PTPN4: variants seen among roughly 807,000 people sequenced by gnomAD.
PTPN4 encodes protein tyrosine phosphatase non-receptor type 4, also known as tyrosine-protein phosphatase non-receptor type 4.
In PTPN4, 49 loss-of-function variants were observed where a neutral mutation model predicts 135.5. That is an observed-to-expected ratio of 0.36 (90% confidence interval 0.29 to 0.46). The LOEUF is 0.46. Ranked by LOEUF, PTPN4 falls within the 20% of genes least tolerant of loss-of-function variation. The probability of loss-of-function intolerance (pLI) is 1.00; values close to 1 mark genes in which losing one functional copy is unlikely to be tolerated. For missense variants in PTPN4, 860 were observed against 1,101.0 expected (o/e 0.78, Z 3.10); for synonymous variants, 333 against 369.9 (o/e 0.90, Z 1.14).
chr2:119,938,167 G>C lies in PTPN4; in HGVS notation c.1355+3209G>C, dbSNP rs1374102331. Among the ~76,000 whole-genome samples the C allele has an allele frequency of 6.3e-5, 8 of 127,928 alleles. No homozygotes were observed. The South Asian group carries it at 1.7e-3, about 27-fold the overall frequency. 83.9% of individuals were successfully genotyped at this position (127,928 alleles called of 152,430 possible). A position where few individuals can be genotyped will look rare whatever the true frequency, so the allele number is the denominator to read the frequency against. ...TTTTGAGACAAAGTCTCACTCTGTCGCCCAGGCTGGAGTGCAGTGGCACAA... is the reference window on the plus strand; with the variant it reads ...TTTTGAGACAAAGTCTCACTCTGTCCCCCAGGCTGGAGTGCAGTGGCACAA... On this transcript the variant is annotated intron_variant, in intron 15 of 26. Transcript: ENST00000263708.
At chr2:119,923,647 A>T (rs891612619) in intron 12 of PTPN4, among the ~76,000 whole-genome samples, 24 of 152,114 alleles carry the variant, frequency 1.6e-4, no homozygotes, top group Non-Finnish European at 2.9e-4. Flanking sequence ...AATCCTGATT[A>T]AAAAAATAAC....
At chr2:119,952,215 A>C in intron 19 of PTPN4, 86 bp downstream of exon 19, 1 of 1,284,268 alleles carries the variant, frequency 7.8e-7, no homozygotes, top group Non-Finnish European at 1.1e-6. Flanking sequence ...CTGACATAAA[A>C]CATAAGTCAC....
intron 14 of PTPN4, among the ~76,000 whole-genome samples, chr2:119,934,452 T>C (rs565352956): frequency 6.6e-6 from 1 of 152,328 alleles, no homozygotes; most frequent in Non-Finnish European, 1.5e-5. Context: ...TAAAAAATAA[T>C]TCAGACTAGA....
chr2:119,875,543 T>A (rs1316988353), intron 3 of PTPN4, among the ~76,000 whole-genome samples: 1 of 152,264 alleles, frequency 6.6e-6, no homozygotes, highest in African/African-American at 2.4e-5. Context: ...AATAGATAGA[T>A]GGATGGGAAG....
chr2:119,943,134 G>T (rs991393046), intron 15 of PTPN4, among the ~76,000 whole-genome samples: 3 of 152,182 alleles, frequency 2.0e-5, no homozygotes, highest in African/African-American at 7.2e-5. Flanking sequence ...ATTTCAGAAA[G>T]ACTCTAATCT....
chr2:119,968,230 T>G (rs1348440866), intron 26 of PTPN4, among the ~76,000 whole-genome samples: 3 of 151,976 alleles, frequency 2.0e-5, no homozygotes, highest in African/African-American at 7.3e-5. Context: ...AGCTGCAGAG[T>G]TTAGAAGTTG....
At chr2:119,832,141 ATC>A (rs1677228595) in intron 2 of PTPN4, among the ~76,000 whole-genome samples, 1 of 152,156 alleles carries the variant, frequency 6.6e-6, no homozygotes, top group South Asian at 2.1e-4. Context: ...ATATTCTGTG[ATC>A]AAAATCGGAG....
At chr2:119,842,135 A>G (rs1314369033) in intron 2 of PTPN4, among the ~76,000 whole-genome samples, 1 of 152,160 alleles carries the variant, frequency 6.6e-6, no homozygotes, top group Non-Finnish European at 1.5e-5. Flanking sequence ...TCAGAAAGAT[A>G]AGGAAGGCTC....
At chr2:119,768,690 G>A (rs1045111746) in intron 1 of PTPN4, among the ~76,000 whole-genome samples, 7 of 152,204 alleles carry the variant, frequency 4.6e-5, no homozygotes, top group East Asian at 3.9e-4. Flanking sequence ...TTCCGACCCC[G>A]CATTAGTTGT....
chr2:119,926,635 GA>G lies in PTPN4; in HGVS notation c.1043del (p.Lys348ArgfsTer20). On this transcript the variant is annotated frameshift_variant, in exon 13 of 27. Transcript: ENST00000263708. LOFTEE classifies it high-confidence loss of function. ...AGTCCAATCAGTTCAGTATGGCAAA[GA>G]AAAGGCAAATAAAGACAGGGTATTT... ...TEVQSVQYGK[E>X]KANKDRVFAR... 6.2e-7 allele frequency: 1 copy of G among 1,605,906 alleles called. No homozygotes were observed. The highest frequency in any genetic ancestry group is 8.5e-7 in the Non-Finnish European group (1 of 1,174,940).
chr2:119,809,838 C>A lies in PTPN4; in HGVS notation c.-16C>A. The A allele has an allele frequency of 1.9e-6, 3 of 1,557,532 alleles. No homozygotes were observed. Among genetic ancestry groups the A allele is most frequent in the Admixed American group, 2.1e-5 (1 of 46,632 alleles). ...TGAATTTTTTTTTTTTTAACTTAGA[C>A]TTTGTGTGGACAGTAATGACCTCAC... On this transcript the variant is annotated splice_region_variant and 5_prime_UTR_variant, in exon 2 of 27. Coordinates refer to ENST00000263708, the MANE Select transcript of PTPN4 (RefSeq NM_002830.4).
chr2:119,915,840 A>T (rs1005066418), intron 11 of PTPN4: 3 of 152,156 alleles, frequency 2.0e-5, no homozygotes, highest in Non-Finnish European at 4.4e-5. Flanking sequence ...TGGCAAATTC[A>T]TGCAGATTTC....
At chr2:119,798,698 T>C (rs1691307369) in intron 1 of PTPN4, among the ~76,000 whole-genome samples, 1 of 152,254 alleles carries the variant, frequency 6.6e-6, no homozygotes, top group African/African-American at 2.4e-5. Context: ...TGTTAGTTTA[T>C]GGAAAAATCA....
In PTPN4 at chr2:119,926,608, G is replaced by A; in HGVS notation, c.1012G>A (p.Glu338Lys). The change falls in exon 13 of 27, where the codon GAA becomes AAA. Residue 338 changes from glutamate to lysine, a missense_variant. Physicochemically the swap from Glu to Lys is moderately conservative, Grantham distance 56. This residue lies in a region of PTPN4 where 684 missense variants were observed against 807.0 expected (regional missense o/e 0.85). Coordinates refer to ENST00000263708, the MANE Select transcript of PTPN4 (RefSeq NM_002830.4). ...GSKFRYCGRT[E>K]VQSVQYGKEK... The stretch of plus-strand genomic sequence containing the variant: ...ATTTATATATTTCAGTGGGAGAACT[G>A]AAGTCCAATCAGTTCAGTATGGCAA... 1 of 1,595,184 alleles carries A rather than the reference G, an allele frequency of 6.3e-7. No individual in the cohort carries two copies. The highest frequency in any genetic ancestry group is 8.6e-7 in the Non-Finnish European group (1 of 1,168,284).
intron 2 of PTPN4, among the ~76,000 whole-genome samples, chr2:119,834,210 T>C (rs989638696): frequency 6.6e-6 from 1 of 152,206 alleles, no homozygotes. Flanking sequence ...TTTTGAAATA[T>C]ATAATACTTG....
intron 1 of PTPN4, among the ~76,000 whole-genome samples, chr2:119,792,010 T>C (rs1014891375): frequency 3.9e-5 from 6 of 152,178 alleles, no homozygotes; most frequent in Non-Finnish European, 8.8e-5. Flanking sequence ...GTCTATTCTT[T>C]CTGTTCTTGA....
At chr2:119,938,767 T>G (rs1679021730) in intron 15 of PTPN4, among the ~76,000 whole-genome samples, 1 of 151,842 alleles carries the variant, frequency 6.6e-6, no homozygotes, top group African/African-American at 2.4e-5. Context: ...CTGACAGGGG[T>G]GGGGGATGCT....
At chr2:119,883,058 G>A (rs1212726341) in intron 8 of PTPN4, among the ~76,000 whole-genome samples, 1 of 151,980 alleles carries the variant, frequency 6.6e-6, no homozygotes, top group African/African-American at 2.4e-5. Context: ...GAACAGTACA[G>A]GTTGAACATC....
At chr2:119,796,727 G>T (rs1326891669) in intron 1 of PTPN4, among the ~76,000 whole-genome samples, 1 of 152,134 alleles carries the variant, frequency 6.6e-6, no homozygotes, top group Non-Finnish European at 1.5e-5. Context: ...CATAAAGCAG[G>T]AATATGTTCA....
Sources: allele counts gnomAD v4.1 joint callset (sites outside exome capture counted in the v4.1 genomes callset), GRCh38; gene constraint gnomAD v4.1.1; regional missense constraint gnomAD v4.1.1; transcripts MANE v1.5; gene names NCBI Gene and HGNC (gene_info 2026-07-23, HGNC 2026-07-21).